PTPRD: variants seen among roughly 807,000 people sequenced by gnomAD.
The protein encoded by PTPRD is protein tyrosine phosphatase receptor type D, also known as receptor-type tyrosine-protein phosphatase delta.
Under a neutral mutation model 214.5 loss-of-function variants are expected in PTPRD, and 34 were observed. That is an observed-to-expected ratio of 0.16 (90% CI 0.12 to 0.21). The LOEUF is 0.21. PTPRD is among the 10% of genes least tolerant of loss of function. The probability of loss-of-function intolerance (pLI) is 1.00; values close to 1 mark genes in which losing one functional copy is unlikely to be tolerated. For missense variants in PTPRD, 2,545 were observed against 2,398.7 expected, an observed-to-expected ratio of 1.06 and a Z score of -1.27; for synonymous variants, 1,128 against 845.7, an observed-to-expected ratio of 1.33 and a Z score of -5.79.
At position 8,825,336 on chromosome 9, in the gene PTPRD, A is replaced by G. The variant is rs60072776; in HGVS notation, c.-103-91390T>C. On this transcript the variant is annotated intron_variant, in intron 11 of 45. Transcript: ENST00000381196. ...TAGTTAAAGCCTTGGTAAAATAACC[A>G]ATTTTTAAAATTGTGTCCTGTGACA... Among the ~76,000 whole-genome samples the G allele has an allele frequency of 8.7e-3, 1,330 of 152,330 alleles. 19 individuals are homozygous for G. Among genetic ancestry groups the G allele is most frequent in the African/African-American group, 0.03 (1,236 of 41,580 alleles).
At chr9:10,065,161 A>AAGAAAGAAAG (rs1245004161) in intron 3 of PTPRD, among the ~76,000 whole-genome samples, 2 of 150,180 alleles carry the variant, frequency 1.3e-5, no homozygotes, top group Non-Finnish European at 3.0e-5. Flanking sequence ...GAAAGAAAGA[A>AAGAAAGAAAG]AGAAAGAAAG....
intron 10 of PTPRD, among the ~76,000 whole-genome samples, chr9:9,049,762 C>T (rs1245055231): frequency 6.6e-6 from 1 of 152,122 alleles, no homozygotes. Context: ...ATTCATATTT[C>T]AGAGCACTCT....
chr9:10,494,894 G>C (rs2041569637), intron 2 of PTPRD, among the ~76,000 whole-genome samples: 1 of 151,484 alleles, frequency 6.6e-6, no homozygotes, highest in South Asian at 2.1e-4. Context: ...AAAAATTCTA[G>C]AAGATGCATT....
At chr9:9,699,686 A>T (rs999453820) in intron 7 of PTPRD, among the ~76,000 whole-genome samples, 1 of 152,210 alleles carries the variant, frequency 6.6e-6, no homozygotes, top group Non-Finnish European at 1.5e-5. Context: ...CTATTTGCTA[A>T]CAGAGCTGTT....
At chr9:9,350,124 C>T (rs1313897125) in intron 9 of PTPRD, among the ~76,000 whole-genome samples, 8 of 152,076 alleles carry the variant, frequency 5.3e-5, no homozygotes, top group African/African-American at 1.9e-4. Context: ...ACACCCAAGT[C>T]TTCCTTAGGA....
intron 8 of PTPRD, among the ~76,000 whole-genome samples, chr9:9,478,766 T>G (rs1399714795): frequency 6.6e-6 from 1 of 152,186 alleles, no homozygotes; most frequent in East Asian, 1.9e-4. Context: ...AAACCCCAAA[T>G]ATTTCAAGTG....
chr9:9,691,944 A>G (rs2097279473), intron 7 of PTPRD, among the ~76,000 whole-genome samples: 1 of 152,062 alleles, frequency 6.6e-6, no homozygotes, highest in East Asian at 1.9e-4. Flanking sequence ...GTCTATTGAA[A>G]TATTTTGCCC....
chr9:9,936,519 A>G (rs1206939585), intron 5 of PTPRD, among the ~76,000 whole-genome samples: 1 of 147,774 alleles, frequency 6.8e-6, no homozygotes. Flanking sequence ...TCAAAACCAC[A>G]ATGAGATACA....
intron 5 of PTPRD, among the ~76,000 whole-genome samples, chr9:9,787,081 G>C (rs1225074679): frequency 6.6e-6 from 1 of 151,778 alleles, no homozygotes; most frequent in Non-Finnish European, 1.5e-5. Flanking sequence ...AGGTTGCAGT[G>C]ATCTGAGATC....
intron 3 of PTPRD, among the ~76,000 whole-genome samples, chr9:10,052,808 ATTCT>A (rs2097558232): frequency 1.3e-5 from 2 of 152,092 alleles, no homozygotes; most frequent in South Asian, 2.1e-4. Context: ...TACTCTACTC[ATTCT>A]TTCTTTTTAC....
At chr9:8,874,434 G>C (rs1336802470) in intron 11 of PTPRD, among the ~76,000 whole-genome samples, 3 of 152,160 alleles carry the variant, frequency 2.0e-5, no homozygotes, top group Non-Finnish European at 4.4e-5. Flanking sequence ...CCTAGTTGCA[G>C]AGTCTAATTC....
At chr9:8,419,025 C>T (rs1361323825) in intron 35 of PTPRD, among the ~76,000 whole-genome samples, 2 of 151,776 alleles carry the variant, frequency 1.3e-5, no homozygotes, top group Non-Finnish European at 2.9e-5. Flanking sequence ...TCGAGACTGG[C>T]CTCAGCAACA....
chr9:9,813,941 G>C (rs1298757264), intron 5 of PTPRD, among the ~76,000 whole-genome samples: 1 of 151,982 alleles, frequency 6.6e-6, no homozygotes, highest in Non-Finnish European at 1.5e-5. Flanking sequence ...CTTGCAAATG[G>C]GTCATTCACC....
At chr9:9,685,703 C>T (rs981652534) in intron 7 of PTPRD, among the ~76,000 whole-genome samples, 5 of 150,414 alleles carry the variant, frequency 3.3e-5, no homozygotes, top group Non-Finnish European at 7.4e-5. Context: ...GTCACCATTA[C>T]CCAGAAAAAA....
intron 7 of PTPRD, among the ~76,000 whole-genome samples, chr9:9,671,950 G>T (rs2096840222): frequency 6.6e-6 from 1 of 152,222 alleles, no homozygotes; most frequent in East Asian, 1.9e-4. Context: ...ATCATTAGGG[G>T]GTTGTTATGA....
chr9:9,432,463 T>C (rs1225859208), intron 8 of PTPRD, among the ~76,000 whole-genome samples: 3 of 152,210 alleles, frequency 2.0e-5, no homozygotes, highest in Admixed American at 1.3e-4. Context: ...CTATTATTTG[T>C]AGCCTAATAC....
intron 3 of PTPRD, among the ~76,000 whole-genome samples, chr9:10,179,258 C>T (rs982796096): frequency 4.6e-5 from 7 of 151,742 alleles, no homozygotes; most frequent in African/African-American, 1.4e-4. Flanking sequence ...TAAAAGAAAA[C>T]AATTAAATTT....
intron 11 of PTPRD, among the ~76,000 whole-genome samples, chr9:8,880,643 T>C (rs147578977): frequency 1.3e-4 from 20 of 152,312 alleles, no homozygotes; most frequent in African/African-American, 4.1e-4. Context: ...TGCCAACTCA[T>C]GCTGTTATTC....
At chr9:10,511,120 T>C (rs915500762) in intron 2 of PTPRD, among the ~76,000 whole-genome samples, 5 of 152,184 alleles carry the variant, frequency 3.3e-5, no homozygotes, top group Admixed American at 3.3e-4. Flanking sequence ...TGAGAATAAT[T>C]CCAGTGTATG....
Sources: gnomAD v4.1 joint callset for allele counts (sites outside exome capture counted in the v4.1 genomes callset) on GRCh38, gnomAD v4.1.1 for gene constraint, MANE v1.5 for transcripts, NCBI Gene and HGNC (gene_info 2026-07-23, HGNC 2026-07-21) for gene names.